Variants in SPAG16 observed in about 807,000 individuals in gnomAD.
SPAG16 encodes the protein sperm-associated antigen 16 protein.
A neutral mutation model predicts 80.4 loss-of-function variants in SPAG16; 86 were observed. The observed-to-expected ratio is 1.07, with a 90% CI of 0.90 to 1.28. The LOEUF (loss-of-function observed/expected upper bound fraction) is 1.28. Among genes scored for constraint, SPAG16 ranks in the 50% most tolerant of loss-of-function variants. The probability of loss-of-function intolerance (pLI) is 0.00; values close to 1 mark genes in which losing one functional copy is unlikely to be tolerated. For missense variants in SPAG16, 870 were observed against 765.3 expected, an observed-to-expected ratio of 1.14 and a Z score of -1.61; for synonymous variants, 294 against 265.9, an observed-to-expected ratio of 1.11 and a Z score of -1.03.
chr2:213,371,950 A>C (rs868083628), intron 8 of SPAG16, among the ~76,000 whole-genome samples: 2 of 152,240 alleles, frequency 1.3e-5, no homozygotes, highest in Middle Eastern at 3.4e-3. Flanking sequence ...TTTATTCTTT[A>C]TGGTAGGTCA....
At chr2:214,236,113 T>G (rs909555392) in intron 15 of SPAG16, among the ~76,000 whole-genome samples, 1 of 152,176 alleles carries the variant, frequency 6.6e-6, no homozygotes, top group Admixed American at 6.6e-5. Flanking sequence ...TCTGCCAGAC[T>G]ATATTATTGT....
chr2:213,888,850 C>T (rs1358710898), intron 11 of SPAG16, among the ~76,000 whole-genome samples: 2 of 151,886 alleles, frequency 1.3e-5, no homozygotes, highest in Non-Finnish European at 2.9e-5. Flanking sequence ...TTTCTTCCCT[C>T]ACTCCTACAA....
At chr2:213,411,065 C>G (rs1575521019) in intron 9 of SPAG16, among the ~76,000 whole-genome samples, 1 of 152,178 alleles carries the variant, frequency 6.6e-6, no homozygotes, top group East Asian at 1.9e-4. Context: ...TTGTTCATCC[C>G]CAAGCAGATG....
chr2:214,133,682 T>A (rs2054902914), intron 14 of SPAG16, among the ~76,000 whole-genome samples: 2 of 151,724 alleles, frequency 1.3e-5, no homozygotes, highest in African/African-American at 4.8e-5. Context: ...ATAAAATAAA[T>A]AATAAAATGG....
intron 15 of SPAG16, among the ~76,000 whole-genome samples, chr2:214,220,097 A>G (rs2058529693): frequency 6.6e-6 from 1 of 152,164 alleles, no homozygotes; most frequent in South Asian, 2.1e-4. Context: ...AATACAAGAT[A>G]TAGAATATGA....
chr2:213,584,355 A>G (rs1263079239), intron 10 of SPAG16, among the ~76,000 whole-genome samples: 2 of 152,158 alleles, frequency 1.3e-5, no homozygotes, highest in East Asian at 3.8e-4. Context: ...CAGTGGAAAT[A>G]TATGATGACT....
intron 11 of SPAG16, among the ~76,000 whole-genome samples, chr2:213,871,630 C>A (rs1254849571): frequency 6.6e-6 from 1 of 151,892 alleles, no homozygotes; most frequent in Non-Finnish European, 1.5e-5. Context: ...GAGGTAAAGG[C>A]TAAGGCTAAG....
At chr2:213,383,124 A>G (rs2067257532) in intron 9 of SPAG16, among the ~76,000 whole-genome samples, 1 of 152,132 alleles carries the variant, frequency 6.6e-6, no homozygotes, top group Non-Finnish European at 1.5e-5. Flanking sequence ...CAATGTTTGG[A>G]CAGTAAGATT....
chr2:213,670,724 C>A (rs967460720), intron 10 of SPAG16, among the ~76,000 whole-genome samples: 14 of 152,274 alleles, frequency 9.2e-5, no homozygotes, highest in African/African-American at 2.4e-4. Context: ...TCACATTATG[C>A]ATGCAAATAT....
chr2:214,330,181 G>A (rs1696811304), intron 15 of SPAG16, among the ~76,000 whole-genome samples: 1 of 151,392 alleles, frequency 6.6e-6, no homozygotes, highest in South Asian at 2.1e-4. Flanking sequence ...GGAGGCTGAG[G>A]CAGGAGAATA....
chr2:213,408,147 A>G (rs1290910127), intron 9 of SPAG16, among the ~76,000 whole-genome samples: 1 of 152,178 alleles, frequency 6.6e-6, no homozygotes. Flanking sequence ...AGTGTACCCT[A>G]TTCCTTTAAA....
At chr2:213,854,742 A>G (rs4384723) in intron 10 of SPAG16, among the ~76,000 whole-genome samples, 52,220 of 152,180 alleles carry the variant, frequency 0.34, 9,443 homozygotes, top group South Asian at 0.47. Flanking sequence ...ATGTCTAGCT[A>G]GCTAACACTG....
At chr2:213,348,941 C>T (rs1575306615) in intron 6 of SPAG16, among the ~76,000 whole-genome samples, 1 of 152,200 alleles carries the variant, frequency 6.6e-6, no homozygotes, top group East Asian at 1.9e-4. Context: ...ATGGAATTGT[C>T]ACTAAAATAG....
At chr2:213,733,172 C>G (rs2067132060) in intron 10 of SPAG16, among the ~76,000 whole-genome samples, 1 of 151,048 alleles carries the variant, frequency 6.6e-6, no homozygotes, top group African/African-American at 2.4e-5. Flanking sequence ...GCGAGTATGT[C>G]TGTTCATGTA....
chr2:213,854,480 A>T (rs1383017954), intron 10 of SPAG16, among the ~76,000 whole-genome samples: 1 of 152,224 alleles, frequency 6.6e-6, no homozygotes, highest in Non-Finnish European at 1.5e-5. Flanking sequence ...GCTGGGCTGT[A>T]CAACATAATC....
intron 14 of SPAG16, among the ~76,000 whole-genome samples, chr2:214,144,773 A>T (rs932078607): frequency 6.6e-6 from 1 of 152,090 alleles, no homozygotes; most frequent in Non-Finnish European, 1.5e-5. Context: ...AGAAAAAGGT[A>T]TTTATATATA....
chr2:213,938,929 C>T (rs555694924), intron 12 of SPAG16, among the ~76,000 whole-genome samples: 3 of 151,822 alleles, frequency 2.0e-5, no homozygotes, highest in South Asian at 2.1e-4. Context: ...ATGTTTCCTC[C>T]CATTGTCTGA....
At chr2:213,447,565 C>T (rs1383988497) in intron 9 of SPAG16, among the ~76,000 whole-genome samples, 2 of 152,234 alleles carry the variant, frequency 1.3e-5, no homozygotes, top group African/African-American at 4.8e-5. Flanking sequence ...ACCTCTTCAG[C>T]ATCCCTAGGC....
At chr2:213,452,127 T>C (rs527890787) in intron 9 of SPAG16, among the ~76,000 whole-genome samples, 2 of 152,308 alleles carry the variant, frequency 1.3e-5, no homozygotes, top group East Asian at 1.9e-4. Context: ...AAGTTGCTTG[T>C]CTGTGTTTTT....
Sources: gnomAD v4.1 joint callset for allele counts (sites outside exome capture counted in the v4.1 genomes callset) on GRCh38, gnomAD v4.1.1 for gene constraint, MANE v1.5 for transcripts, NCBI Gene and HGNC (gene_info 2026-07-23, HGNC 2026-07-21) for gene names.